The following CSNK2A2IP variants were observed in gnomAD, a reference collection of about 807,000 sequenced individuals.
CSNK2A2IP encodes casein kinase 2 subunit alpha' interacting protein.
chr3:88,446,084 TTCTTTCTTTC>T, the CSNK2A2IP span, among the ~76,000 whole-genome samples: 1 of 145,154 alleles, frequency 6.9e-6, no homozygotes, highest in East Asian at 2.0e-4. Context: ...CTTTCTTTCT[TTCTTTCTTTC>T]TTTCTTTTTT....
the CSNK2A2IP span, among the ~76,000 whole-genome samples, chr3:88,444,993 T>C: frequency 1.3e-5 from 2 of 152,118 alleles, no homozygotes; most frequent in South Asian, 4.1e-4. Context: ...TGTGTAAATG[T>C]TTGATCTTAT....
At chr3:88,366,607 G>A in the CSNK2A2IP span, among the ~76,000 whole-genome samples, 1 of 151,972 alleles carries the variant, frequency 6.6e-6, no homozygotes, top group African/African-American at 2.4e-5. Context: ...ACTTTAATTG[G>A]AGTGTTAAAG....
At chr3:88,341,444 A>T in the CSNK2A2IP span, among the ~76,000 whole-genome samples, 1 of 151,838 alleles carries the variant, frequency 6.6e-6, no homozygotes, top group Non-Finnish European at 1.5e-5. Flanking sequence ...TTGTTCTAAA[A>T]TGTGCCTGAC....
the CSNK2A2IP span, among the ~76,000 whole-genome samples, chr3:88,352,224 C>T: frequency 0.44 from 66,158 of 151,724 alleles, 15,664 homozygotes; most frequent in South Asian, 0.61. Flanking sequence ...CATCTATCTA[C>T]CTATCTATCT....
At chr3:88,418,046 G>A in the CSNK2A2IP span, among the ~76,000 whole-genome samples, 1 of 152,176 alleles carries the variant, frequency 6.6e-6, no homozygotes, top group Non-Finnish European at 1.5e-5. Context: ...TGGTAAAAAT[G>A]TGATTATGTC....
At chr3:88,339,728 G>T in the CSNK2A2IP span, among the ~76,000 whole-genome samples, 3 of 152,054 alleles carry the variant, frequency 2.0e-5, no homozygotes, top group African/African-American at 7.2e-5. Context: ...ATTATTTTCA[G>T]CATAGATTTA....
chr3:88,355,698 C>T, the CSNK2A2IP span, among the ~76,000 whole-genome samples: 1 of 152,034 alleles, frequency 6.6e-6, no homozygotes. Flanking sequence ...AGGGATCTTT[C>T]TCAATGATTT....
At chr3:88,389,693 A>G in the CSNK2A2IP span, among the ~76,000 whole-genome samples, 3 of 152,126 alleles carry the variant, frequency 2.0e-5, no homozygotes, top group Admixed American at 6.5e-5. Context: ...GCACTAGTGT[A>G]TTGGGGGCAA....
chr3:88,382,017 T>C, the CSNK2A2IP span, among the ~76,000 whole-genome samples: 1 of 152,216 alleles, frequency 6.6e-6, no homozygotes, highest in African/African-American at 2.4e-5. Context: ...CCAAGGAAAG[T>C]GACCACAGGC....
the CSNK2A2IP span, chr3:88,465,584 A>G: frequency 1.6e-6 from 2 of 1,231,682 alleles, no homozygotes; most frequent in South Asian, 4.1e-5. Flanking sequence ...CCCAAATCTC[A>G]GGACAAAATT....
At chr3:88,391,200 A>G in the CSNK2A2IP span, among the ~76,000 whole-genome samples, 1 of 152,192 alleles carries the variant, frequency 6.6e-6, no homozygotes, top group African/African-American at 2.4e-5. Flanking sequence ...AGATACCCTG[A>G]TATTAATACC....
chr3:88,362,204 A>T, the CSNK2A2IP span, among the ~76,000 whole-genome samples: 1 of 152,084 alleles, frequency 6.6e-6, no homozygotes, highest in Non-Finnish European at 1.5e-5. Context: ...ATTTATTCCG[A>T]TCTTCACAGT....
At chr3:88,411,711 C>T in the CSNK2A2IP span, among the ~76,000 whole-genome samples, 1 of 151,526 alleles carries the variant, frequency 6.6e-6, no homozygotes, top group Non-Finnish European at 1.5e-5. Flanking sequence ...TTTATTAAAT[C>T]TAAATATATG....
the CSNK2A2IP span, among the ~76,000 whole-genome samples, chr3:88,449,872 T>TAGAGAGAGAGAGAGAG: frequency 1.0e-4 from 8 of 79,050 alleles, no homozygotes; most frequent in East Asian, 2.0e-3. Flanking sequence ...TATATATATA[T>TAGAGAGAGAGAGAGAG]ATAGAGAGAG....
the CSNK2A2IP span, among the ~76,000 whole-genome samples, chr3:88,390,834 T>C: frequency 6.6e-6 from 1 of 152,212 alleles, no homozygotes; most frequent in South Asian, 2.1e-4. Flanking sequence ...GTGTTGCATA[T>C]GTAGTATACT....
the CSNK2A2IP span, among the ~76,000 whole-genome samples, chr3:88,387,716 T>A: frequency 6.6e-6 from 1 of 152,190 alleles, no homozygotes; most frequent in Non-Finnish European, 1.5e-5. Flanking sequence ...TGTTTCCAGA[T>A]AAACTGTAAA....
the CSNK2A2IP span, among the ~76,000 whole-genome samples, chr3:88,391,008 T>G: frequency 6.6e-6 from 1 of 152,228 alleles, no homozygotes; most frequent in Non-Finnish European, 1.5e-5. Context: ...CTGTGGTCAC[T>G]TTCAGCTATT....
chr3:88,387,908 G>T, the CSNK2A2IP span, among the ~76,000 whole-genome samples: 1 of 152,016 alleles, frequency 6.6e-6, no homozygotes, highest in Non-Finnish European at 1.5e-5. Flanking sequence ...AAATTTGTCT[G>T]TAGAGACGTG....
At chr3:88,445,969 CCT>C in the CSNK2A2IP span, among the ~76,000 whole-genome samples, 46,787 of 126,406 alleles carry the variant, frequency 0.37, 11,006 homozygotes, top group Non-Finnish European at 0.48. Flanking sequence ...TCCCTCCCTC[CCT>C]CTCTCTCTTT....
Sources: allele counts gnomAD v4.1 joint callset (sites outside exome capture counted in the v4.1 genomes callset), GRCh38; gene constraint gnomAD v4.1.1; transcripts MANE v1.5; gene names NCBI Gene and HGNC (gene_info 2026-07-23, HGNC 2026-07-21).